Variants in ANKS1B observed in about 807,000 individuals in gnomAD.
ANKS1B encodes ankyrin repeat and sterile alpha motif domain containing 1B.
Under a neutral mutation model 148.3 loss-of-function variants are expected in ANKS1B, and 36 were observed. The ratio of observed to expected loss-of-function variants is 0.24; its 90% CI spans 0.19 to 0.32. The LOEUF is 0.32. Among genes scored for constraint, ANKS1B ranks in the 10% least tolerant of loss-of-function variants. The pLI, the probability that ANKS1B is intolerant of heterozygous loss-of-function variation, is 1.00. For synonymous variants in ANKS1B, 542 were observed against 560.8 expected, an observed-to-expected ratio of 0.97 and a Z score of 0.47; for missense variants, 1,157 against 1,542.6, an observed-to-expected ratio of 0.75 and a Z score of 4.19.
intron 4 of ANKS1B, among the ~76,000 whole-genome samples, chr12:99,782,925 C>T (rs180977397): frequency 6.6e-6 from 1 of 152,212 alleles, no homozygotes; most frequent in Admixed American, 6.5e-5. Context: ...CGCAGTGGCT[C>T]ATGCCTGTAA....
At chr12:98,882,972 G>A (rs2099715739) in intron 17 of ANKS1B, among the ~76,000 whole-genome samples, 1 of 152,092 alleles carries the variant, frequency 6.6e-6, no homozygotes, top group Admixed American at 6.5e-5. Context: ...TCTTTAGAGT[G>A]TATTTTTAAA....
intron 2 of ANKS1B, among the ~76,000 whole-genome samples, chr12:99,816,915 T>C (rs1239962542): frequency 6.6e-6 from 1 of 151,670 alleles, no homozygotes; most frequent in East Asian, 1.9e-4. Flanking sequence ...ATAATAGTTG[T>C]ATATATTTTG....
At chr12:99,454,101 T>C (rs2095805462) in intron 10 of ANKS1B, among the ~76,000 whole-genome samples, 1 of 152,148 alleles carries the variant, frequency 6.6e-6, no homozygotes, top group Non-Finnish European at 1.5e-5. Flanking sequence ...AAGCTATAAA[T>C]AGTTCAGCTT....
chr12:99,171,961 A>G (rs972358318), intron 14 of ANKS1B, among the ~76,000 whole-genome samples: 18 of 152,138 alleles, frequency 1.2e-4, no homozygotes, highest in Admixed American at 6.6e-5. Flanking sequence ...GATCAGTATT[A>G]TATTAAAGAT....
chr12:99,820,606 T>C (rs1017315919), intron 2 of ANKS1B, among the ~76,000 whole-genome samples: 1 of 152,004 alleles, frequency 6.6e-6, no homozygotes, highest in Non-Finnish European at 1.5e-5. Flanking sequence ...TCATTGTTAG[T>C]TACCTCTGCT....
intron 16 of ANKS1B, among the ~76,000 whole-genome samples, chr12:99,066,298 G>C (rs1446723132): frequency 6.6e-6 from 1 of 152,138 alleles, no homozygotes; most frequent in Non-Finnish European, 1.5e-5. Context: ...TCCAGCCTGG[G>C]TGACAAAGCA....
intron 14 of ANKS1B, among the ~76,000 whole-genome samples, chr12:99,221,582 C>A (rs1164303512): frequency 6.6e-6 from 1 of 152,036 alleles, no homozygotes; most frequent in East Asian, 1.9e-4. Context: ...GGAACTTAAA[C>A]ATATGAAAAA....
intron 9 of ANKS1B, among the ~76,000 whole-genome samples, chr12:99,569,952 C>A (rs1437068731): frequency 1.3e-5 from 2 of 152,174 alleles, no homozygotes; most frequent in Non-Finnish European, 2.9e-5. Flanking sequence ...GGAACACTAT[C>A]CAGCAACAAT....
chr12:99,327,263 A>T (rs1169300864), intron 12 of ANKS1B, among the ~76,000 whole-genome samples: 1 of 113,220 alleles, frequency 8.8e-6, no homozygotes, highest in Non-Finnish European at 1.7e-5. Context: ...AATTATATAA[A>T]TAATTATAAT....
intron 19 of ANKS1B, among the ~76,000 whole-genome samples, chr12:98,820,459 T>C (rs1024356543): frequency 6.6e-6 from 1 of 152,228 alleles, no homozygotes; most frequent in Non-Finnish European, 1.5e-5. Context: ...TTGTGTCCAA[T>C]CTGATCTGTC....
intron 17 of ANKS1B, among the ~76,000 whole-genome samples, chr12:98,863,842 T>C (rs1279290123): frequency 2.0e-5 from 3 of 152,234 alleles, no homozygotes; most frequent in Non-Finnish European, 4.4e-5. Context: ...ACAGTCATCT[T>C]GGTAGAAAGT....
At chr12:99,856,874 G>A (rs1041147608) in intron 1 of ANKS1B, among the ~76,000 whole-genome samples, 4 of 152,042 alleles carry the variant, frequency 2.6e-5, no homozygotes, top group Non-Finnish European at 5.9e-5. Context: ...GGCGTAAAAG[G>A]GACATACCTT....
chr12:99,732,161 G>A (rs1286229041), intron 8 of ANKS1B, among the ~76,000 whole-genome samples: 1 of 152,120 alleles, frequency 6.6e-6, no homozygotes, highest in African/African-American at 2.4e-5. Context: ...GATATATATA[G>A]CAAGGGTACA....
intron 12 of ANKS1B, among the ~76,000 whole-genome samples, chr12:99,256,271 AAG>A (rs1301350459): frequency 1.3e-5 from 2 of 151,978 alleles, no homozygotes; most frequent in African/African-American, 4.8e-5. Context: ...AGAAAAAAAA[AAG>A]AAAAAAGTCT....
chr12:98,816,193 T>C (rs2099138484), intron 19 of ANKS1B, among the ~76,000 whole-genome samples: 1 of 152,208 alleles, frequency 6.6e-6, no homozygotes, highest in South Asian at 2.1e-4. Context: ...TCTATTCTAA[T>C]GTCACTTTTT....
chr12:99,331,464 T>C (rs1212937922), intron 12 of ANKS1B, among the ~76,000 whole-genome samples: 4 of 152,006 alleles, frequency 2.6e-5, no homozygotes, highest in Non-Finnish European at 4.4e-5. Context: ...TTGCTTTTCC[T>C]TCATGACATT....
chr12:99,858,524 G>A (rs2089538483), intron 1 of ANKS1B, among the ~76,000 whole-genome samples: 1 of 152,090 alleles, frequency 6.6e-6, no homozygotes, highest in African/African-American at 2.4e-5. Flanking sequence ...CAACTCCTGG[G>A]TATCTACCCA....
chr12:98,865,571 C>T (rs1361956540), intron 17 of ANKS1B, among the ~76,000 whole-genome samples: 1 of 152,056 alleles, frequency 6.6e-6, no homozygotes, highest in Non-Finnish European at 1.5e-5. Flanking sequence ...ATTAAATTTA[C>T]AGAGTATATT....
At chr12:99,088,276 G>A (rs960144121) in intron 15 of ANKS1B, among the ~76,000 whole-genome samples, 3 of 152,110 alleles carry the variant, frequency 2.0e-5, no homozygotes, top group Admixed American at 2.0e-4. Context: ...AACACTAGGG[G>A]ACTTGGAGTC....
Sources: allele counts gnomAD v4.1 joint callset (sites outside exome capture counted in the v4.1 genomes callset), GRCh38; gene constraint gnomAD v4.1.1; transcripts MANE v1.5; gene names NCBI Gene and HGNC (gene_info 2026-07-23, HGNC 2026-07-21).